Variants in ANKRD13B observed in about 807,000 individuals in gnomAD.
ANKRD13B encodes the protein ankyrin repeat domain 13B, also known as ankyrin repeat domain-containing protein 13B.
A neutral mutation model predicts 74.4 loss-of-function variants in ANKRD13B; 33 were observed. That is an observed-to-expected ratio of 0.44 (90% CI 0.34 to 0.59). The LOEUF is 0.59. Among genes scored for constraint, ANKRD13B ranks in the 20% least tolerant of loss-of-function variants. The probability of loss-of-function intolerance (pLI) is 0.02; values close to 1 mark genes in which losing one functional copy is unlikely to be tolerated. For missense variants in ANKRD13B, 676 were observed against 877.9 expected, an observed-to-expected ratio of 0.77 and a Z score of 2.91; for synonymous variants, 341 against 362.9, an observed-to-expected ratio of 0.94 and a Z score of 0.68.
chr17:29,595,124 GGCAGT>G (rs2033910407), intron 1 of ANKRD13B, among the ~76,000 whole-genome samples: 1 of 152,234 alleles, frequency 6.6e-6, no homozygotes, highest in African/African-American at 2.4e-5. Flanking sequence ...CTATCATAAA[GGCAGT>G]GCTCTGCAGC....
At chr17:29,597,296 A>T (rs1172636844) in intron 1 of ANKRD13B, among the ~76,000 whole-genome samples, 1 of 152,238 alleles carries the variant, frequency 6.6e-6, no homozygotes. Context: ...AAATACGCAC[A>T]CACACGTTAC....
chr17:29,603,954 T>G (rs1309194891), intron 1 of ANKRD13B, among the ~76,000 whole-genome samples: 1 of 150,886 alleles, frequency 6.6e-6, no homozygotes, highest in Non-Finnish European at 1.5e-5. Flanking sequence ...CTCGGCTCAC[T>G]GCAAGCTCGA....
Position 29,613,528 on chromosome 17 carries a change from C to T in ANKRD13B, c.1827C>T (p.Arg609=). 1 of 1,524,542 alleles carries T rather than the reference C, an allele frequency of 6.6e-7. No individual in the cohort carries two copies. The highest frequency in any genetic ancestry group is 2.6e-5 in the East Asian group (1 of 38,178). 94.4% of individuals were successfully genotyped at this position (1,524,542 alleles called of 1,614,324 possible). The change falls in exon 15 of 15, where the codon CGC becomes CGT. Residue 609 remains arginine, a synonymous_variant. Coordinates refer to ENST00000394859, the MANE Select transcript of ANKRD13B (RefSeq NM_152345.5). ...QEQEERRRRA[R]QEEEELERIL... ...AGGAGGAGAGGCGGCGGCGCGCGCG[C>T]CAGGAGGAGGAGGAGCTGGAGCGCA...
intron 1 of ANKRD13B, chr17:29,593,983 G>A (rs1010904793): frequency 3.1e-5 from 7 of 225,416 alleles, no homozygotes; most frequent in African/African-American, 4.6e-5. Flanking sequence ...CTCCGCCGGG[G>A]CAGTGAGGGC....
rs369145197 is a variant in ANKRD13B, at chr17:29,606,153, T to C, written c.115-1589T>C. ...CTCGAACTCCCAACCTCAGGTGATC[T>C]ACCCGCCTCGGCCTCCCAAAGTGCT... On this transcript the variant is annotated intron_variant, in intron 1 of 14. Transcript: ENST00000394859. 1.3e-3 allele frequency among the ~76,000 whole-genome samples: 197 copies of C among 150,424 alleles called. 1 individual carries two copies. Among genetic ancestry groups the C allele is most frequent in the African/African-American group, 3.4e-3 (140 of 41,050 alleles).
In ANKRD13B at chr17:29,593,565, C is replaced by T. The variant is rs1008893478; in HGVS notation, c.-57C>T. On this transcript the variant is annotated 5_prime_UTR_variant, in exon 1 of 15. Transcript: ENST00000394859. ...CGCCCCGCGGCCCCGGGCCCCGGCT[C>T]CGGCGCCGTCCCTCCTCCCCGGCCG... is the stretch of plus-strand genomic sequence containing the variant. The T allele has an allele frequency of 1.1e-6, 1 of 909,582 alleles. No individual in the cohort carries two copies. The highest frequency in any genetic ancestry group is 1.8e-5 in the African/African-American group (1 of 55,166). 56.3% of individuals were successfully genotyped at this position (909,582 alleles called of 1,614,324 possible). A position where few individuals can be genotyped will look rare whatever the true frequency, so the allele number is the denominator to read the frequency against.
At position 29,607,811 on chromosome 17, in the gene ANKRD13B, G is replaced by C. The variant is rs746344270; in HGVS notation, c.184G>C (p.Glu62Gln). 25 of 1,604,406 alleles carry C rather than the reference G, an allele frequency of 1.6e-5. No homozygotes were observed. In the Admixed American group the frequency reaches 2.0e-4, roughly 13 times the overall value. Residue 62 changes from glutamate (E) to glutamine (Q), a missense_variant, in exon 2 of 15, where the codon GAG becomes CAG. Glu to Gln is a conservative substitution (Grantham distance 29). Transcript: ENST00000394859. ...LHLATTLGHL[E>Q]CARVLLAHGA... is the part of the protein sequence containing the mutation. ...CCTGGCCACCACGCTGGGGCACCTT[G>C]AGTGTGCCCGTGTGCTCCTGGCGCA...
Position 29,612,561 on chromosome 17 carries a change from C to T in ANKRD13B, c.1411+7C>T, listed in dbSNP as rs747437888. 2 of 1,548,494 alleles carry T rather than the reference C, an allele frequency of 1.3e-6. No individual in the cohort carries two copies. The highest frequency in any genetic ancestry group is 8.7e-7 in the Non-Finnish European group (1 of 1,147,244). ...AGCAGCTCCAGCTCCACGAGTGAGG[C>T]CCCCCGCGAGAACGCCTGCCCCTCG... is the stretch of plus-strand genomic sequence containing the variant. On this transcript the variant is annotated splice_region_variant and intron_variant, in intron 12 of 14. Coordinates refer to ENST00000394859, the MANE Select transcript of ANKRD13B (RefSeq NM_152345.5). The surrounding 1 kb of genome is among the most constrained non-coding windows in gnomAD (Gnocchi z 6.1).
chr17:29,596,635 T>G (rs1387334552), intron 1 of ANKRD13B, among the ~76,000 whole-genome samples: 1 of 152,198 alleles, frequency 6.6e-6, no homozygotes, highest in Non-Finnish European at 1.5e-5. Context: ...GAGAATCATT[T>G]TCCTTCTCCC....
intron 1 of ANKRD13B, among the ~76,000 whole-genome samples, chr17:29,603,116 T>TG (rs1413669284): frequency 6.6e-6 from 1 of 152,248 alleles, no homozygotes; most frequent in East Asian, 1.9e-4. Flanking sequence ...CCCAAAGTAC[T>TG]GGGATTACAG....
chr17:29,613,518 GGC>G lies in ANKRD13B; in HGVS notation c.1826_1827del (p.Arg609ProfsTer113), dbSNP rs1598622250. The G allele has an allele frequency of 2.0e-6, 3 of 1,526,062 alleles. No individual in the cohort carries two copies. The highest frequency in any genetic ancestry group is 1.4e-5 in the African/African-American group (1 of 70,470). The allele number at this position is 1,526,062 out of a possible 1,614,324, so 94.5% of individuals were successfully genotyped here. On this transcript the variant is annotated frameshift_variant, in exon 15 of 15. Coordinates refer to ENST00000394859, the MANE Select transcript of ANKRD13B (RefSeq NM_152345.5). LOFTEE classifies it high-confidence loss of function. ...GCGCAGGAGCAGGAGGAGAGGCGGC[GGC>G]GCGCGCGCCAGGAGGAGGAGGAGCT...
At position 29,607,846 on chromosome 17, in the gene ANKRD13B, C is replaced by T. The variant is rs552321075; in HGVS notation, c.219C>T (p.Asp73=). 3.2e-5 allele frequency: 52 copies of T among 1,604,230 alleles called. No homozygotes were observed. The highest frequency in any genetic ancestry group is 3.1e-4 in the East Asian group (14 of 44,788). ...CARVLLAHGA[D]VGRENRSGWT... is the part of the protein sequence containing the mutation. ...GTGTGCTCCTGGCGCACGGCGCAGA[C>T]GTGGGCAGGGAGAATCGCAGCGGCT... Residue 73 remains aspartate (D), a synonymous_variant, in exon 2 of 15, where the codon GAC becomes GAT. Transcript: ENST00000394859.
At position 29,608,136 on chromosome 17, in the gene ANKRD13B, C is replaced by T. The variant is rs539729660; in HGVS notation, c.375+26C>T. ...GTGAGGCCCAGCCTCTCAGCCTCCA[C>T]GGGAGCCCTTGAGCCCTTCTCCAGT... On this transcript the variant is annotated intron_variant, in intron 3 of 14. Transcript: ENST00000394859. The surrounding 1 kb of genome is among the most constrained non-coding windows in gnomAD (Gnocchi z 6.4). 30 of 1,613,756 alleles carry T rather than the reference C, an allele frequency of 1.9e-5. No homozygotes were observed. Among genetic ancestry groups the T allele is most frequent in the Admixed American group, 1.2e-4 (7 of 59,986 alleles).
In ANKRD13B at chr17:29,608,150, C is replaced by T. The variant is rs779180945; in HGVS notation, c.375+40C>T. ...CTCAGCCTCCACGGGAGCCCTTGAG[C>T]CCTTCTCCAGTGCAGACTTAGCCTC... On this transcript the variant is annotated intron_variant, in intron 3 of 14. Coordinates refer to ENST00000394859, the MANE Select transcript of ANKRD13B (RefSeq NM_152345.5). The surrounding 1 kb of genome is among the most constrained non-coding windows in gnomAD (Gnocchi z 6.4). The T allele has an allele frequency of 5.6e-6, 9 of 1,614,016 alleles. No homozygotes were observed. Among genetic ancestry groups the T allele is most frequent in the Non-Finnish European group, 7.6e-6 (9 of 1,179,916 alleles).
intron 14 of ANKRD13B, 84 bp downstream of exon 14, chr17:29,613,047 GC>G (rs2034656046): frequency 4.7e-6 from 7 of 1,503,146 alleles, no homozygotes; most frequent in Non-Finnish European, 6.3e-6. Context: ...AACCCGCGGG[GC>G]CCTCGGCAGG....
intron 1 of ANKRD13B, among the ~76,000 whole-genome samples, chr17:29,598,258 C>T (rs2034029922): frequency 6.6e-6 from 1 of 152,154 alleles, no homozygotes; most frequent in African/African-American, 2.4e-5. Context: ...GAAGAAATTC[C>T]AGGACAAGGC....
chr17:29,609,229 C>T lies in ANKRD13B; in HGVS notation c.709C>T (p.Pro237Ser). 1 of 1,613,160 alleles carries T rather than the reference C, an allele frequency of 6.2e-7. No homozygotes were observed. Among genetic ancestry groups the T allele is most frequent in the Non-Finnish European group, 8.5e-7 (1 of 1,179,914 alleles). ...ACAGGTGCTGAGCCGGCTTACCGCG[C>T]CCGTCGTCACCACTCAGCTTGACAC... ...EEQVLSRLTA[P>S]VVTTQLDTKN... The change falls in exon 6 of 15, where the codon CCC becomes TCC. Residue 237 changes from proline (P) to serine (S), a missense_variant. By Grantham distance (74) the Pro-to-Ser change is moderately conservative (BLOSUM62 -1). Around this residue, in one of 4 missense-constraint regions of ANKRD13B, gnomAD observed 328 missense variants for 518.4 expected, o/e 0.63. Transcript: ENST00000394859. The surrounding 1 kb of genome is among the most constrained non-coding windows in gnomAD (Gnocchi z 4.0).
chr17:29,595,132 T>G (rs2033910852), intron 1 of ANKRD13B, among the ~76,000 whole-genome samples: 1 of 152,226 alleles, frequency 6.6e-6, no homozygotes, highest in South Asian at 2.1e-4. Context: ...AAGGCAGTGC[T>G]CTGCAGCCAC....
In ANKRD13B at chr17:29,612,646, C is replaced by T. The variant is rs1267451495; in HGVS notation, c.1412-6C>T. On this transcript the variant is annotated splice_region_variant and splice_polypyrimidine_tract_variant and intron_variant, in intron 12 of 14. Transcript: ENST00000394859. The surrounding 1 kb of genome is among the most constrained non-coding windows in gnomAD (Gnocchi z 6.1). ...GCCGTGCCTGACCCAGCCCCCGCGC[C>T]CCCAGCCTCCTGCCGCGGCTGCGAG... 2 of 1,538,612 alleles carry T rather than the reference C, an allele frequency of 1.3e-6. No individual in the cohort carries two copies. The highest frequency in any genetic ancestry group is 3.9e-5 in the Admixed American group (2 of 50,886).
Sources: gnomAD v4.1 joint callset for allele counts (sites outside exome capture counted in the v4.1 genomes callset) on GRCh38, gnomAD v4.1.1 for gene constraint, gnomAD v4.1.1 regional missense constraint, Gnocchi (gnomAD v3.1) non-coding constraint, MANE v1.5 for transcripts, NCBI Gene and HGNC (gene_info 2026-07-23, HGNC 2026-07-21) for gene names.